PPARGC1A: variants seen among roughly 807,000 people sequenced by gnomAD.
PPARGC1A encodes the protein peroxisome proliferator-activated receptor gamma coactivator 1-alpha.
A neutral mutation model predicts 88.7 loss-of-function variants in PPARGC1A; 25 were observed. The ratio of observed to expected loss-of-function variants is 0.28; its 90% CI spans 0.21 to 0.39. The LOEUF (loss-of-function observed/expected upper bound fraction) is 0.39. Among genes scored for constraint, PPARGC1A ranks in the 10% least tolerant of loss-of-function variants. The pLI is 1.00. For missense variants in PPARGC1A, 880 were observed against 968.7 expected (o/e 0.91, Z 1.22); for synonymous variants, 363 against 355.6 (o/e 1.02, Z -0.24).
At chr4:24,035,925 G>A in the PPARGC1A span, among the ~76,000 whole-genome samples, 1 of 152,180 alleles carries the variant, frequency 6.6e-6, no homozygotes, top group South Asian at 2.1e-4. Context: ...AGTAAACGAT[G>A]TTAAATGATG....
chr4:24,229,152 C>CTTTTTTTTTTTTTTTTTTTTTTTTTT, the PPARGC1A span, among the ~76,000 whole-genome samples: 478 of 60,884 alleles, frequency 7.9e-3, 135 homozygotes, highest in Middle Eastern at 0.019. Context: ...GTATCTGGAC[C>CTTTTTTTTTTTTTTTTTTTTTTTTTT]TTTTTTTTTT....
intron 1 of PPARGC1A, chr4:23,889,363 T>C (rs1276119247): frequency 1.0e-6 from 1 of 985,250 alleles, no homozygotes; most frequent in Non-Finnish European, 1.2e-6. Flanking sequence ...CGTTGTTTTG[T>C]GTTCTGTGGG....
the PPARGC1A span, among the ~76,000 whole-genome samples, chr4:24,113,844 C>T: frequency 6.6e-6 from 1 of 152,032 alleles, no homozygotes; most frequent in Non-Finnish European, 1.5e-5. Context: ...AGAAGAGGGG[C>T]TGGGTACAGT....
the PPARGC1A span, among the ~76,000 whole-genome samples, chr4:24,287,940 A>C: frequency 6.6e-6 from 1 of 152,112 alleles, no homozygotes; most frequent in African/African-American, 2.4e-5. Flanking sequence ...GAGAATGCCA[A>C]CCAGCTGATC....
At chr4:24,422,602 C>G in the PPARGC1A span, among the ~76,000 whole-genome samples, 3 of 149,280 alleles carry the variant, frequency 2.0e-5, no homozygotes, top group Non-Finnish European at 4.4e-5. Flanking sequence ...AGTGAATATG[C>G]CTTTTATTGT....
the PPARGC1A span, among the ~76,000 whole-genome samples, chr4:23,969,386 T>C: frequency 3.3e-5 from 5 of 152,186 alleles, no homozygotes; most frequent in Admixed American, 3.3e-4. Context: ...ACATGTTAAT[T>C]GGCCTTCCCA....
the PPARGC1A span, among the ~76,000 whole-genome samples, chr4:24,390,531 C>T: frequency 9.2e-5 from 14 of 151,986 alleles, no homozygotes; most frequent in Non-Finnish European, 8.8e-5. Flanking sequence ...CACATGTGCA[C>T]GTATACTTAT....
the PPARGC1A span, among the ~76,000 whole-genome samples, chr4:24,402,567 A>T: frequency 2.2e-4 from 33 of 152,304 alleles, no homozygotes; most frequent in Middle Eastern, 6.8e-3. Flanking sequence ...ACAGATAATT[A>T]AACACCAGAG....
chr4:24,046,775 G>A, the PPARGC1A span, among the ~76,000 whole-genome samples: 5 of 152,022 alleles, frequency 3.3e-5, no homozygotes, highest in Non-Finnish European at 4.4e-5. Flanking sequence ...ATAATGACAC[G>A]CACTATTTCC....
chr4:24,057,734 A>G, the PPARGC1A span, among the ~76,000 whole-genome samples: 2 of 152,294 alleles, frequency 1.3e-5, no homozygotes, highest in South Asian at 4.2e-4. Context: ...GCAAAGCAAT[A>G]TGAAATGGAT....
At chr4:24,238,941 T>C in the PPARGC1A span, among the ~76,000 whole-genome samples, 1 of 152,166 alleles carries the variant, frequency 6.6e-6, no homozygotes, top group Non-Finnish European at 1.5e-5. Flanking sequence ...TTTTACATTC[T>C]GTTTCCTATA....
At chr4:24,232,386 C>T in the PPARGC1A span, among the ~76,000 whole-genome samples, 1 of 152,186 alleles carries the variant, frequency 6.6e-6, no homozygotes, top group African/African-American at 2.4e-5. Flanking sequence ...TGCCAGCCTC[C>T]AATTTGTGAC....
At chr4:24,193,864 C>A in the PPARGC1A span, among the ~76,000 whole-genome samples, 1 of 152,304 alleles carries the variant, frequency 6.6e-6, no homozygotes, top group East Asian at 1.9e-4. Flanking sequence ...CATGGTAGCT[C>A]ATGCCTGTAA....
chr4:23,995,014 T>C, the PPARGC1A span, among the ~76,000 whole-genome samples: 138,084 of 152,148 alleles, frequency 0.91, 62,744 homozygotes, highest in Admixed American at 0.94. Flanking sequence ...CCTACCTAAG[T>C]TGGCAGTTTA....
chr4:23,924,399 G>A, the PPARGC1A span, among the ~76,000 whole-genome samples: 7 of 152,150 alleles, frequency 4.6e-5, no homozygotes, highest in African/African-American at 9.7e-5. Flanking sequence ...AGGCCGAGGC[G>A]GGTGGATCAT....
chr4:24,203,399 T>C, the PPARGC1A span, among the ~76,000 whole-genome samples: 7 of 152,088 alleles, frequency 4.6e-5, 1 homozygote, highest in African/African-American at 1.7e-4. Flanking sequence ...ATTAACCAGG[T>C]GTGGTGGCAG....
At chr4:24,305,063 T>A in the PPARGC1A span, among the ~76,000 whole-genome samples, 4 of 150,838 alleles carry the variant, frequency 2.7e-5, no homozygotes, top group Admixed American at 6.6e-5. Flanking sequence ...ATCAATTAAA[T>A]GAGATAATAT....
chr4:24,404,693 T>C, the PPARGC1A span, among the ~76,000 whole-genome samples: 6 of 152,222 alleles, frequency 3.9e-5, no homozygotes, highest in African/African-American at 1.4e-4. Context: ...TGGTGGCCAC[T>C]GGCAACTCAG....
the PPARGC1A span, among the ~76,000 whole-genome samples, chr4:24,344,407 A>G: frequency 1.4e-5 from 2 of 144,764 alleles, no homozygotes; most frequent in Non-Finnish European, 3.1e-5. Context: ...CCATGCCAAC[A>G]TCTACTTTTT....
Sources: allele counts gnomAD v4.1 joint callset (sites outside exome capture counted in the v4.1 genomes callset), GRCh38; gene constraint gnomAD v4.1.1; transcripts MANE v1.5; gene names NCBI Gene and HGNC (gene_info 2026-07-23, HGNC 2026-07-21).